RORA: variants seen among roughly 807,000 people sequenced by gnomAD.
RORA encodes the protein RAR related orphan receptor A, also known as nuclear receptor ROR-alpha.
RORA carries 7 observed loss-of-function variants against 69.5 expected under a neutral mutation model. The ratio of observed to expected loss-of-function variants is 0.10; its 90% CI spans 0.06 to 0.19. RORA has a LOEUF of 0.19. Among genes scored for constraint, RORA ranks in the 10% least tolerant of loss-of-function variants. The pLI is 1.00. For synonymous variants in RORA, 261 were observed against 240.8 expected, an observed-to-expected ratio of 1.08 and a Z score of -0.78; for missense variants, 457 against 663.0, an observed-to-expected ratio of 0.69 and a Z score of 3.41.
rs76583064 is a variant in RORA at position 60,853,649 on chromosome 15, G to A, written c.167-174963C>T. Among the ~76,000 whole-genome samples, 1,454 of 152,292 alleles carry A rather than the reference G, an allele frequency of 9.5e-3. 28 individuals are homozygous for A. Among genetic ancestry groups the A allele is most frequent in the African/African-American group, 0.034 (1,400 of 41,542 alleles). On this transcript the variant is annotated intron_variant, in intron 1 of 10. Coordinates refer to ENST00000335670, the MANE Select transcript of RORA (RefSeq NM_134261.3). ...TGGACAGGCCTTGATACAAGTGCAG[G>A]GAGCTAGCCATGTGGTTCCATTAAT...
Position 61,048,442 on chromosome 15 carries a change from G to A in RORA, c.166+180611C>T, listed in dbSNP as rs1441658941. 3.3e-5 allele frequency among the ~76,000 whole-genome samples: 5 copies of A among 152,198 alleles called. 1 individual carries two copies. The highest frequency in any genetic ancestry group is 7.3e-5 in the Non-Finnish European group (5 of 68,040). Reference sequence around the variant, plus strand: ...GGCACAGGCACACTCCAGATGCAGGGTCTCTGCCCTCTGTCAAGAGTCACA... The same window carrying A: ...GGCACAGGCACACTCCAGATGCAGGATCTCTGCCCTCTGTCAAGAGTCACA... On this transcript the variant is annotated intron_variant, in intron 1 of 10. Transcript: ENST00000335670.
chr15:60,963,172 T>C (rs1420456894), intron 1 of RORA, among the ~76,000 whole-genome samples: 1 of 152,190 alleles, frequency 6.6e-6, no homozygotes, highest in Non-Finnish European at 1.5e-5. Context: ...TTCGAAGAAA[T>C]TGAACTTTTC....
At chr15:60,558,270 CTG>C in intron 2 of RORA, 1 of 1,612,592 alleles carries the variant, frequency 6.2e-7, no homozygotes, top group Non-Finnish European at 8.5e-7. Flanking sequence ...ACAGGATACA[CTG>C]ATGGAGTATT....
At chr15:60,842,330 C>T (rs137901433) in intron 1 of RORA, among the ~76,000 whole-genome samples, 2 of 152,276 alleles carry the variant, frequency 1.3e-5, no homozygotes, top group East Asian at 3.9e-4. Context: ...GGATAAAGTC[C>T]AAATACCTAG....
At chr15:61,080,206 A>G (rs2078519088) in intron 1 of RORA, among the ~76,000 whole-genome samples, 1 of 152,060 alleles carries the variant, frequency 6.6e-6, no homozygotes, top group African/African-American at 2.4e-5. Context: ...TCCAAACCCC[A>G]TGCAAATTTC....
chr15:60,580,702 G>C (rs561348659), intron 2 of RORA, among the ~76,000 whole-genome samples: 2 of 152,318 alleles, frequency 1.3e-5, no homozygotes, highest in South Asian at 4.1e-4. Flanking sequence ...AAGGAGCTCT[G>C]GGAGCTCCCC....
chr15:60,560,545 C>T (rs1257109455), intron 2 of RORA, among the ~76,000 whole-genome samples: 2 of 152,040 alleles, frequency 1.3e-5, no homozygotes, highest in African/African-American at 4.8e-5. Context: ...AAAAATTAGC[C>T]GAGTGTGGTG....
chr15:60,630,039 G>A (rs1417735126), intron 2 of RORA, among the ~76,000 whole-genome samples: 13 of 152,164 alleles, frequency 8.5e-5, no homozygotes, highest in Admixed American at 8.5e-4. Flanking sequence ...CCTATGATTT[G>A]GCTATTGGGC....
At chr15:60,925,530 G>C (rs1392378995) in intron 1 of RORA, among the ~76,000 whole-genome samples, 1 of 152,196 alleles carries the variant, frequency 6.6e-6, no homozygotes, top group Non-Finnish European at 1.5e-5. Context: ...TCTCGCCCCT[G>C]TGGACTGGCT....
chr15:60,981,972 G>T (rs946654413), intron 1 of RORA, among the ~76,000 whole-genome samples: 2 of 152,006 alleles, frequency 1.3e-5, no homozygotes, highest in African/African-American at 4.8e-5. Flanking sequence ...TATTATTGCT[G>T]TTATTTTATT....
chr15:60,962,617 G>C (rs1208249347), intron 1 of RORA, among the ~76,000 whole-genome samples: 2 of 152,182 alleles, frequency 1.3e-5, no homozygotes, highest in Non-Finnish European at 2.9e-5. Flanking sequence ...AGCTGTCCTT[G>C]AAACATTAGC....
chr15:60,913,445 T>C (rs1426878308), intron 1 of RORA, among the ~76,000 whole-genome samples: 1 of 152,228 alleles, frequency 6.6e-6, no homozygotes, highest in Non-Finnish European at 1.5e-5. Flanking sequence ...TCCATTCTGG[T>C]TGCCAAGTGC....
At chr15:61,124,161 C>T (rs2079124836) in intron 1 of RORA, among the ~76,000 whole-genome samples, 1 of 152,254 alleles carries the variant, frequency 6.6e-6, no homozygotes, top group East Asian at 1.9e-4. Flanking sequence ...GCCCATTATG[C>T]AGCCTGGCAC....
intron 2 of RORA, chr15:60,558,159 A>G: frequency 8.4e-7 from 1 of 1,186,408 alleles, no homozygotes; most frequent in South Asian, 1.3e-5. Context: ...GGCAAACACA[A>G]GACTGGGCCA....
At chr15:61,197,149 T>C (rs1327391967) in intron 1 of RORA, among the ~76,000 whole-genome samples, 1 of 152,234 alleles carries the variant, frequency 6.6e-6, no homozygotes, top group Non-Finnish European at 1.5e-5. Flanking sequence ...ATAGCTGGTT[T>C]GAAAACAATG....
At position 60,494,606 on chromosome 15, in the gene RORA, C is replaced by T. The variant is rs2065122456; in HGVS notation, c.*2849G>A. On this transcript the variant is annotated 3_prime_UTR_variant, in exon 11 of 11. Coordinates refer to ENST00000335670, the MANE Select transcript of RORA (RefSeq NM_134261.3). ...TTTTTAAACTGAATTTATTGTTTAA[C>T]ATCAGATCCCAACTTAGATCCAAAT... 6.6e-6 allele frequency: 1 copy of T among 152,132 alleles called. No homozygotes were observed. Among genetic ancestry groups the T allele is most frequent in the Non-Finnish European group, 1.5e-5 (1 of 68,038 alleles). 9.4% of individuals were successfully genotyped at this position (152,132 alleles called of 1,614,324 possible).
At chr15:60,904,103 G>C (rs1322724123) in intron 1 of RORA, among the ~76,000 whole-genome samples, 2 of 152,050 alleles carry the variant, frequency 1.3e-5, no homozygotes, top group African/African-American at 2.4e-5. Flanking sequence ...CCTTTGTAGT[G>C]GTTCAAATAA....
At chr15:60,901,014 GTGTGTGTGCA>G (rs1243724538) in intron 1 of RORA, among the ~76,000 whole-genome samples, 20 of 152,172 alleles carry the variant, frequency 1.3e-4, no homozygotes, top group East Asian at 1.2e-3. Flanking sequence ...CTCTCCTTAG[GTGTGTGTGCA>G]TGTGTGTGCA....
Position 60,511,077 on chromosome 15 carries a change from G to T in RORA, c.820+149C>A. On this transcript the variant is annotated intron_variant, in intron 5 of 10. Transcript: ENST00000335670. The surrounding 1 kb of genome is among the most constrained non-coding windows in gnomAD (Gnocchi z 6.4). Reference sequence around the variant, plus strand: ...CATGGGAAACAGCAGAGGGTCAAAAGCAAGGGGGCAGGGCAGAAAATTAAG... The same window carrying T: ...CATGGGAAACAGCAGAGGGTCAAAATCAAGGGGGCAGGGCAGAAAATTAAG... 1 of 827,394 alleles carries T rather than the reference G, an allele frequency of 1.2e-6. No individual in the cohort carries two copies. Among genetic ancestry groups the T allele is most frequent in the Non-Finnish European group, 1.8e-6 (1 of 542,058 alleles). 51.3% of individuals were successfully genotyped at this position (827,394 alleles called of 1,614,324 possible). A position where few individuals can be genotyped will look rare whatever the true frequency, so the allele number is the denominator to read the frequency against.
Sources: allele counts gnomAD v4.1 joint callset (sites outside exome capture counted in the v4.1 genomes callset), GRCh38; gene constraint gnomAD v4.1.1; non-coding constraint Gnocchi (gnomAD v3.1); transcripts MANE v1.5; gene names NCBI Gene and HGNC (gene_info 2026-07-23, HGNC 2026-07-21).